The following SEC11A variants were observed in gnomAD, a reference collection of about 807,000 sequenced individuals.
SEC11A encodes signal peptidase complex catalytic subunit SEC11A.
SEC11A carries 14 observed loss-of-function variants against 25.6 expected under a neutral mutation model. The observed-to-expected ratio is 0.55, with a 90% CI of 0.36 to 0.85. The LOEUF is 0.85. SEC11A is among the 40% of genes least tolerant of loss of function. The probability of loss-of-function intolerance (pLI) is 0.01; values close to 1 mark genes in which losing one functional copy is unlikely to be tolerated. For synonymous variants in SEC11A, 83 were observed against 76.4 expected (o/e 1.09, Z -0.45); for missense variants, 153 against 222.9 (o/e 0.69, Z 2.00).
chr15:84,677,785 A>G (rs955814584), intron 4 of SEC11A, among the ~76,000 whole-genome samples: 1 of 152,160 alleles, frequency 6.6e-6, no homozygotes, highest in Non-Finnish European at 1.5e-5. Context: ...GAATTTTTTC[A>G]AAAATTGTCC....
chr15:84,685,194 G>C (rs945672756), intron 3 of SEC11A, among the ~76,000 whole-genome samples: 2 of 151,800 alleles, frequency 1.3e-5, no homozygotes, highest in Non-Finnish European at 2.9e-5. Flanking sequence ...TATATTCTCT[G>C]TCTATGAATC....
chr15:84,701,547 GA>G (rs555466225), intron 1 of SEC11A, among the ~76,000 whole-genome samples: 79 of 147,950 alleles, frequency 5.3e-4, no homozygotes, highest in Non-Finnish European at 1.4e-4. Context: ...TCCGTTTCAA[GA>G]AAAAAAAATG....
intron 1 of SEC11A, chr15:84,691,887 ATTATT>A (rs1897618817): frequency 3.2e-6 from 1 of 311,878 alleles, no homozygotes; most frequent in African/African-American, 2.2e-5. Flanking sequence ...ATAACACCAT[ATTATT>A]TTAAGAACAT....
At chr15:84,702,110 A>C (rs1488100145) in intron 1 of SEC11A, among the ~76,000 whole-genome samples, 1 of 151,832 alleles carries the variant, frequency 6.6e-6, no homozygotes, top group Non-Finnish European at 1.5e-5. Flanking sequence ...AGGTAAGTTC[A>C]TCATGAGAAT....
At chr15:84,673,156 G>C in intron 4 of SEC11A, 1 of 167,852 alleles carries the variant, frequency 6.0e-6, no homozygotes, top group South Asian at 1.2e-4. Flanking sequence ...CGCCAGGCCA[G>C]CCGCCCCGTC....
At chr15:84,705,715 C>T (rs1006145242) in intron 1 of SEC11A, among the ~76,000 whole-genome samples, 6 of 151,498 alleles carry the variant, frequency 4.0e-5, no homozygotes, top group East Asian at 4.0e-4. Context: ...ATTAGCCAGG[C>T]GTGGTGGTGT....
chr15:84,687,131 C>T (rs1487900121), intron 3 of SEC11A, among the ~76,000 whole-genome samples: 3 of 152,152 alleles, frequency 2.0e-5, no homozygotes, highest in Non-Finnish European at 2.9e-5. Flanking sequence ...CTCGGCCTCC[C>T]AAAGTGCTGG....
chr15:84,708,024 A>G (rs1898147618), intron 1 of SEC11A, among the ~76,000 whole-genome samples: 1 of 152,048 alleles, frequency 6.6e-6, no homozygotes. Context: ...CCTGGCCAAC[A>G]TGGTGAAACC....
At chr15:84,682,555 TC>T in intron 3 of SEC11A, among the ~76,000 whole-genome samples, 1 of 152,074 alleles carries the variant, frequency 6.6e-6, no homozygotes, top group Non-Finnish European at 1.5e-5. Context: ...TTCAAGCGAT[TC>T]TCCTGCCTCA....
intron 3 of SEC11A, among the ~76,000 whole-genome samples, chr15:84,684,900 C>A (rs966987689): frequency 6.6e-6 from 1 of 152,150 alleles, no homozygotes; most frequent in Non-Finnish European, 1.5e-5. Context: ...CCATGAACTC[C>A]AGCCTGGGCG....
intron 4 of SEC11A, among the ~76,000 whole-genome samples, chr15:84,676,702 C>A (rs1456574833): frequency 6.6e-6 from 1 of 151,502 alleles, no homozygotes. Flanking sequence ...AGGAGAATCC[C>A]TTGAACCTGG....
intron 2 of SEC11A, among the ~76,000 whole-genome samples, chr15:84,688,272 A>T (rs191793999): frequency 4.6e-5 from 7 of 152,350 alleles, no homozygotes; most frequent in Non-Finnish European, 8.8e-5. Flanking sequence ...CAAGTCAAGG[A>T]ACAGCCAGCT....
intron 4 of SEC11A, chr15:84,679,873 T>C: frequency 8.3e-7 from 1 of 1,211,554 alleles, no homozygotes; most frequent in East Asian, 2.5e-5. Flanking sequence ...TTATTGTTAA[T>C]ACTATTAATT....
At chr15:84,705,648 A>G (rs912730769) in intron 1 of SEC11A, among the ~76,000 whole-genome samples, 5 of 151,880 alleles carry the variant, frequency 3.3e-5, no homozygotes, top group Admixed American at 1.3e-4. Context: ...TGAGGTCATG[A>G]GTTCGAGACT....
At chr15:84,688,061 T>G (rs1223961462) in intron 2 of SEC11A, among the ~76,000 whole-genome samples, 1 of 152,184 alleles carries the variant, frequency 6.6e-6, no homozygotes, top group African/African-American at 2.4e-5. Context: ...ACTAATTCCT[T>G]AACCTTTTAA....
intron 1 of SEC11A, among the ~76,000 whole-genome samples, chr15:84,705,123 C>T (rs1373955979): frequency 6.6e-6 from 1 of 152,058 alleles, no homozygotes; most frequent in African/African-American, 2.4e-5. Context: ...CGGGGTCTCA[C>T]TATATTGCCC....
rs992718810 is a variant in SEC11A at position 84,682,970 on chromosome 15, C to T, written c.312-2138G>A. 5.9e-5 allele frequency among the ~76,000 whole-genome samples: 9 copies of T among 151,996 alleles called. No individual in the cohort carries two copies. The South Asian group carries it at 1.0e-3, about 18-fold the overall frequency. On this transcript the variant is annotated intron_variant, in intron 3 of 5. Transcript: ENST00000268220. ...GCTAATATCCACTTAGATTCTAAGC[C>T]GGAAACTGGCTCACTAGATGTTAAA...
intron 1 of SEC11A, among the ~76,000 whole-genome samples, chr15:84,695,103 AAAAAAAAAAAAAAAG>A (rs1259376698): frequency 1.3e-5 from 2 of 148,972 alleles, no homozygotes; most frequent in African/African-American, 4.9e-5. Context: ...AAAAAAAAAA[AAAAAAAAAAAAAAAG>A]AAGGTAGAGG....
chr15:84,697,172 G>A (rs12908699), intron 1 of SEC11A, among the ~76,000 whole-genome samples: 2 of 152,058 alleles, frequency 1.3e-5, no homozygotes, highest in African/African-American at 4.8e-5. Flanking sequence ...TGAGGTAGGA[G>A]GATTGCTTGA....
Sources: allele counts gnomAD v4.1 joint callset (sites outside exome capture counted in the v4.1 genomes callset), GRCh38; gene constraint gnomAD v4.1.1; transcripts MANE v1.5; gene names NCBI Gene and HGNC (gene_info 2026-07-23, HGNC 2026-07-21).